The following BICRAL variants were observed in gnomAD, a reference collection of about 807,000 sequenced individuals.
BICRAL encodes BRD4-interacting chromatin-remodeling complex-associated protein-like.
A neutral mutation model predicts 91.8 loss-of-function variants in BICRAL; 8 were observed. The observed-to-expected ratio is 0.09, with a 90% confidence interval of 0.05 to 0.16. The LOEUF (loss-of-function observed/expected upper bound fraction) is 0.16, where lower values mean the gene tolerates loss of function less well. Among genes scored for constraint, BICRAL ranks in the 10% least tolerant of loss-of-function variants. BICRAL has a pLI of 1.00. For missense variants in BICRAL, 1,038 were observed against 1,310.9 expected (o/e 0.79, Z 3.21); for synonymous variants, 445 against 491.1 (o/e 0.91, Z 1.24).
chr6:42,803,064 C>G (rs1218355359), intron 1 of BICRAL, among the ~76,000 whole-genome samples: 2 of 152,154 alleles, frequency 1.3e-5, no homozygotes, highest in East Asian at 3.8e-4. Context: ...ACCTTAAACC[C>G]ATACCTGGCT....
At chr6:42,800,853 A>G (rs1206533483) in intron 1 of BICRAL, among the ~76,000 whole-genome samples, 2 of 152,194 alleles carry the variant, frequency 1.3e-5, no homozygotes, top group African/African-American at 4.8e-5. Context: ...TTCTTGGAAC[A>G]TGCTATAAAA....
intron 1 of BICRAL, among the ~76,000 whole-genome samples, chr6:42,804,871 C>A (rs1763666665): frequency 6.6e-6 from 1 of 152,104 alleles, no homozygotes; most frequent in Non-Finnish European, 1.5e-5. Context: ...TATATTTGGG[C>A]TCTGCTTTTT....
Position 42,828,765 on chromosome 6 carries a change from T to G in BICRAL, c.432T>G (p.Ser144=). The change falls in exon 6 of 13, where the codon TCT becomes TCG. Residue 144 remains serine, a synonymous_variant. Transcript: ENST00000314073. ...TTGCACAAGCTCAGCTTCATCCTTCTTCATCAGCATCCTTTACTCAGGCTT... is the reference window on the plus strand; with the variant it reads ...TTGCACAAGCTCAGCTTCATCCTTCGTCATCAGCATCCTTTACTCAGGCTT... ...QQFAQAQLHP[S]SSASFTQASN... is the part of the protein sequence containing the mutation. The G allele has an allele frequency of 6.2e-7, 1 of 1,614,232 alleles. No homozygotes were observed. Among genetic ancestry groups the G allele is most frequent in the Non-Finnish European group, 8.5e-7 (1 of 1,180,022 alleles).
chr6:42,805,817 C>T (rs1418061123), intron 1 of BICRAL, among the ~76,000 whole-genome samples: 4 of 151,994 alleles, frequency 2.6e-5, no homozygotes, highest in East Asian at 1.9e-4. Context: ...CTGGCTAACA[C>T]GATGAAACCC....
intron 1 of BICRAL, among the ~76,000 whole-genome samples, chr6:42,808,770 C>T (rs1366133365): frequency 6.6e-6 from 1 of 151,988 alleles, no homozygotes; most frequent in Non-Finnish European, 1.5e-5. Context: ...AATACTGGGT[C>T]CCAAAGTTAA....
chr6:42,830,427 G>T (rs1248981476), intron 6 of BICRAL, among the ~76,000 whole-genome samples: 2 of 152,018 alleles, frequency 1.3e-5, no homozygotes, highest in East Asian at 3.9e-4. Context: ...TTAGCTGAGT[G>T]TGGTGGTGCA....
At chr6:42,771,035 C>T (rs1318224539) in intron 1 of BICRAL, among the ~76,000 whole-genome samples, 1 of 152,238 alleles carries the variant, frequency 6.6e-6, no homozygotes, top group Admixed American at 6.5e-5. Flanking sequence ...CAGAGCTTTT[C>T]ACTGACACCT....
chr6:42,811,301 T>G (rs1763835589), intron 2 of BICRAL, among the ~76,000 whole-genome samples: 1 of 152,104 alleles, frequency 6.6e-6, no homozygotes, highest in South Asian at 2.1e-4. Context: ...TCTTCCTGAG[T>G]TGAGCTGATG....
In BICRAL at chr6:42,829,801, G is replaced by A. The variant is rs1764419869; in HGVS notation, c.1468G>A (p.Ala490Thr). The change falls in exon 6 of 13, where the codon GCC becomes ACC. Residue 490 changes from alanine (A) to threonine (T), a missense_variant. Ala to Thr is a moderately conservative substitution (Grantham distance 58, BLOSUM62 0). Coordinates refer to ENST00000314073, the MANE Select transcript of BICRAL (RefSeq NM_001393499.1). ...ASGSPVIANH[A>T]SPQLVGGQMP... ...TGGAAGTCCAGTGATAGCCAATCAT[G>A]CCTCTCCTCAGCTTGTGGGTGGACA... The A allele has an allele frequency of 6.2e-7, 1 of 1,614,066 alleles. No homozygotes were observed. The highest frequency in any genetic ancestry group is 1.7e-5 in the Admixed American group (1 of 59,990).
chr6:42,802,428 T>TTGTTGTTG (rs1554277648), intron 1 of BICRAL, among the ~76,000 whole-genome samples: 6 of 103,936 alleles, frequency 5.8e-5, no homozygotes, highest in African/African-American at 1.7e-4. Flanking sequence ...CGTGTTTTTT[T>TTGTTGTTG]TTGTTGTTGT....
intron 6 of BICRAL, among the ~76,000 whole-genome samples, chr6:42,835,980 A>G (rs1562486312): frequency 6.6e-6 from 1 of 152,160 alleles, no homozygotes; most frequent in Non-Finnish European, 1.5e-5. Context: ...AATTAGTAAG[A>G]ATGTAAAACA....
chr6:42,841,836 T>A (rs1030357953), intron 6 of BICRAL, among the ~76,000 whole-genome samples: 5 of 152,060 alleles, frequency 3.3e-5, no homozygotes, highest in African/African-American at 1.2e-4. Flanking sequence ...AATATGGGGG[T>A]TCAGAGCTTG....
At chr6:42,756,264 G>A (rs889478072) in intron 1 of BICRAL, among the ~76,000 whole-genome samples, 4 of 152,120 alleles carry the variant, frequency 2.6e-5, no homozygotes, top group East Asian at 1.9e-4. Context: ...CAAATGCATC[G>A]CTCTTTGTAG....
chr6:42,857,018 A>G (rs9462840), intron 9 of BICRAL, 73 bp from the exon 10 acceptor site: 308,458 of 1,243,806 alleles, frequency 0.25, 41,098 homozygotes, highest in Middle Eastern at 0.31. Flanking sequence ...TTTTATTTGC[A>G]TGCAAATAAA....
intron 1 of BICRAL, among the ~76,000 whole-genome samples, chr6:42,748,025 A>C (rs1762313381): frequency 6.6e-6 from 1 of 151,344 alleles, no homozygotes; most frequent in African/African-American, 2.4e-5. Context: ...GCTCGTCTCG[A>C]ACTCCCGACC....
chr6:42,804,498 A>T (rs1179674629), intron 1 of BICRAL, among the ~76,000 whole-genome samples: 1 of 152,198 alleles, frequency 6.6e-6, no homozygotes, highest in Non-Finnish European at 1.5e-5. Context: ...AAAACTAAAG[A>T]AAGGCAGTGT....
At chr6:42,802,141 A>G (rs1443930869) in intron 1 of BICRAL, among the ~76,000 whole-genome samples, 2 of 151,844 alleles carry the variant, frequency 1.3e-5, no homozygotes, top group Non-Finnish European at 1.5e-5. Flanking sequence ...GTACAGTGGC[A>G]TGCACCTTTG....
intron 6 of BICRAL, among the ~76,000 whole-genome samples, chr6:42,844,601 G>C (rs974271244): frequency 6.7e-6 from 1 of 148,626 alleles, no homozygotes; most frequent in Non-Finnish European, 1.5e-5. Flanking sequence ...AGGAAGGTAA[G>C]GAGTGGGCGT....
upstream of BICRAL, among the ~76,000 whole-genome samples, chr6:42,779,658 G>T (rs1762857809): frequency 6.6e-6 from 1 of 152,170 alleles, no homozygotes; most frequent in Non-Finnish European, 1.5e-5. Flanking sequence ...ACCAGAACAA[G>T]ATATAGTGTT....
Sources: gnomAD v4.1 joint callset for allele counts (sites outside exome capture counted in the v4.1 genomes callset) on GRCh38, gnomAD v4.1.1 for gene constraint, MANE v1.5 for transcripts, NCBI Gene and HGNC (gene_info 2026-07-23, HGNC 2026-07-21) for gene names.